Variants in ALKBH3 observed in about 807,000 individuals in gnomAD.
ALKBH3 encodes the protein alkB homolog 3, alpha-ketoglutarate dependent dioxygenase.
In ALKBH3, 51 loss-of-function variants were observed where a neutral mutation model predicts 43.9. The ratio of observed to expected loss-of-function variants is 1.16; its 90% confidence interval spans 0.93 to 1.47. The LOEUF is 1.47. Ranked by LOEUF, ALKBH3 falls within the 40% of genes most tolerant of loss-of-function variation. The pLI is 0.00. For missense variants in ALKBH3, 361 were observed against 351.9 expected (o/e 1.03, Z -0.21); for synonymous variants, 102 against 115.2 (o/e 0.89, Z 0.73).
chr11:43,907,797 A>T (rs1003331527), intron 8 of ALKBH3, among the ~76,000 whole-genome samples: 1 of 152,168 alleles, frequency 6.6e-6, no homozygotes, highest in African/African-American at 2.4e-5. Context: ...GCAGAGACTC[A>T]TGAGCCTCAG....
chr11:43,905,716 CCT>C (rs1206657519), intron 8 of ALKBH3, among the ~76,000 whole-genome samples: 1 of 152,134 alleles, frequency 6.6e-6, no homozygotes, highest in Non-Finnish European at 1.5e-5. Context: ...CTTCAGTAGA[CCT>C]TTTTTATTCT....
chr11:43,887,535 C>T (rs560856227), intron 5 of ALKBH3, among the ~76,000 whole-genome samples: 63 of 152,160 alleles, frequency 4.1e-4, no homozygotes, highest in African/African-American at 1.4e-3. Flanking sequence ...GTCTCGAACT[C>T]CTGACCTCAG....
At chr11:43,883,890 CTTTAT>C in intron 3 of ALKBH3, 88 bp from the exon 4 acceptor site, 1 of 1,496,746 alleles carries the variant, frequency 6.7e-7, no homozygotes. Flanking sequence ...TAGTTTTTAA[CTTTAT>C]TTTGACCAGA....
intron 4 of ALKBH3, among the ~76,000 whole-genome samples, chr11:43,885,179 G>A (rs776998969): frequency 2.0e-5 from 3 of 152,084 alleles, no homozygotes; most frequent in African/African-American, 4.8e-5. Flanking sequence ...GGCAATTGTC[G>A]GAGAAAAATG....
At chr11:43,911,984 G>T (rs548850678) in intron 8 of ALKBH3, among the ~76,000 whole-genome samples, 1 of 152,084 alleles carries the variant, frequency 6.6e-6, no homozygotes, top group Non-Finnish European at 1.5e-5. Context: ...ATAGGCAGGC[G>T]TGGTGGTGCG....
In ALKBH3 at chr11:43,908,315, A is replaced by C. The variant is rs532172499; in HGVS notation, c.669+6590A>C. Among the ~76,000 whole-genome samples the C allele has an allele frequency of 3.3e-5, 5 of 152,346 alleles. 1 individual carries two copies. The East Asian group carries it at 9.6e-4, about 29-fold the overall frequency. On this transcript the variant is annotated intron_variant, in intron 8 of 9. Coordinates refer to ENST00000302708, the MANE Select transcript of ALKBH3 (RefSeq NM_139178.4). ...TCCAGAGGACACAGTGGAAGGGTGC[A>C]GGAGGGAAAGAGTTCCGGGGGATTG...
intron 8 of ALKBH3, chr11:43,912,219 A>C (rs988975404): frequency 6.6e-6 from 1 of 152,178 alleles, no homozygotes; most frequent in Non-Finnish European, 1.5e-5. Context: ...GAAAAATCTT[A>C]ATTTGCTTCT....
At chr11:43,904,102 C>A (rs1951880571) in intron 8 of ALKBH3, among the ~76,000 whole-genome samples, 1 of 152,190 alleles carries the variant, frequency 6.6e-6, no homozygotes, top group African/African-American at 2.4e-5. Flanking sequence ...CTCTTCTCCT[C>A]AGCCTTCTTG....
At chr11:43,886,136 A>T (rs970160777) in intron 4 of ALKBH3, among the ~76,000 whole-genome samples, 3 of 152,166 alleles carry the variant, frequency 2.0e-5, no homozygotes, top group Admixed American at 2.0e-4. Flanking sequence ...AGGACCTTGA[A>T]TGCAGTTTTG....
At chr11:43,910,309 C>G (rs1202433366) in intron 8 of ALKBH3, 1 of 152,168 alleles carries the variant, frequency 6.6e-6, no homozygotes, top group Non-Finnish European at 1.5e-5. Context: ...TCATTACATT[C>G]TTAGCATTTA....
intron 8 of ALKBH3, among the ~76,000 whole-genome samples, chr11:43,910,987 C>A (rs535662473): frequency 6.6e-6 from 1 of 152,304 alleles, no homozygotes; most frequent in South Asian, 2.1e-4. Context: ...GGGGATATAG[C>A]AGTGAACATG....
chr11:43,919,100 G>T lies in ALKBH3; in HGVS notation c.732G>T (p.Leu244Phe). The T allele has an allele frequency of 6.2e-7, 1 of 1,613,456 alleles. No individual in the cohort carries two copies. The part of the protein sequence containing the change: ...RVKIPLDHGT[L>F]LIMEGATQAD... Reference sequence around the variant, plus strand: ...AGATACCCTTGGATCATGGGACCTTGTTAATCATGGAAGGAGCGACACAAG... The same window carrying T: ...AGATACCCTTGGATCATGGGACCTTTTTAATCATGGAAGGAGCGACACAAG... Residue 244 changes from leucine to phenylalanine, a missense_variant, in exon 9 of 10, where the codon TTG becomes TTT. Transcript: ENST00000302708.
chr11:43,881,622 G>T (rs1295775807), intron 1 of ALKBH3, among the ~76,000 whole-genome samples: 2 of 152,192 alleles, frequency 1.3e-5, no homozygotes, highest in Non-Finnish European at 2.9e-5. Context: ...TAAATGAAAT[G>T]AATTACATGC....
chr11:43,886,611 AG>A lies in ALKBH3; in HGVS notation c.227del (p.Gly76ValfsTer24). 1 of 1,614,158 alleles carries A rather than the reference AG, an allele frequency of 6.2e-7. No homozygotes were observed. The highest frequency in any genetic ancestry group is 8.5e-7 in the Non-Finnish European group (1 of 1,180,008). ...RAPEPRVIDR[E>X]GVYEISLSPT... ...TGTTTCCTTTGTTTCTTTAGCAGAG[AG>A]GGTGTGTATGAAATCAGCCTGTCAC... On this transcript the variant is annotated frameshift_variant, in exon 5 of 10. Transcript: ENST00000302708. LOFTEE classifies it high-confidence loss of function.
At chr11:43,899,305 C>T in intron 7 of ALKBH3, 1 of 699,596 alleles carries the variant, frequency 1.4e-6, no homozygotes, top group Non-Finnish European at 2.7e-6. Flanking sequence ...CGTGGCCGGG[C>T]CTCTGCATCC....
At chr11:43,919,769 T>C in intron 9 of ALKBH3, 149 bp from the exon 10 acceptor site, 1 of 713,080 alleles carries the variant, frequency 1.4e-6, no homozygotes, top group Non-Finnish European at 2.3e-6. Context: ...GAAGGGACCT[T>C]TCTCCACAAG....
chr11:43,919,855 T>A (rs768601146), intron 9 of ALKBH3, 63 bp from the exon 10 acceptor site: 48 of 1,433,536 alleles, frequency 3.3e-5, no homozygotes, highest in Admixed American at 1.7e-5. Context: ...AAGTTTTAAG[T>A]CGCTTTGAAC....
intron 5 of ALKBH3, among the ~76,000 whole-genome samples, 186 bp from the exon 6 acceptor site, chr11:43,889,539 A>G (rs1951769005): frequency 6.6e-6 from 1 of 152,028 alleles, no homozygotes; most frequent in African/African-American, 2.4e-5. Context: ...ACATGAAAGG[A>G]GTTTATTTTA....
chr11:43,884,027 T>C lies in ALKBH3; in HGVS notation c.218+10T>C. 6.2e-7 allele frequency: 1 copy of C among 1,613,858 alleles called. No individual in the cohort carries two copies. The highest frequency in any genetic ancestry group is 8.5e-7 in the Non-Finnish European group (1 of 1,179,856). On this transcript the variant is annotated intron_variant, in intron 4 of 9. Coordinates refer to ENST00000302708, the MANE Select transcript of ALKBH3 (RefSeq NM_139178.4). ...AGCCACGAGTGATTGAGTAAGTAAT[T>C]TGCTGTCTTCCTGTAATTGTTGCCC...
Sources: gnomAD v4.1 joint callset for allele counts (sites outside exome capture counted in the v4.1 genomes callset) on GRCh38, gnomAD v4.1.1 for gene constraint, MANE v1.5 for transcripts, NCBI Gene and HGNC (gene_info 2026-07-23, HGNC 2026-07-21) for gene names.